The following GSK3B variants were observed in gnomAD, a reference collection of about 807,000 sequenced individuals.
The protein encoded by GSK3B is glycogen synthase kinase 3 beta, also known as glycogen synthase kinase-3 beta.
In GSK3B, 15 loss-of-function variants were observed where a neutral mutation model predicts 56.4. The observed-to-expected ratio is 0.27, with a 90% CI of 0.18 to 0.41. The LOEUF is 0.41. GSK3B is among the 10% of genes least tolerant of loss of function. GSK3B has a pLI of 1.00. For missense variants in GSK3B, 300 were observed against 513.4 expected, an observed-to-expected ratio of 0.58 and a Z score of 4.02; for synonymous variants, 181 against 188.9, an observed-to-expected ratio of 0.96 and a Z score of 0.34.
At chr3:119,862,667 G>GTTTTTTT (rs79778347) in intron 9 of GSK3B, among the ~76,000 whole-genome samples, 12 of 110,388 alleles carry the variant, frequency 1.1e-4, no homozygotes, top group Non-Finnish European at 1.7e-4. Context: ...ACTATTTCTT[G>GTTTTTTT]TTTTTTTTTT....
At chr3:119,908,768 C>G (rs988708309) in intron 6 of GSK3B, among the ~76,000 whole-genome samples, 1 of 152,120 alleles carries the variant, frequency 6.6e-6, no homozygotes, top group Non-Finnish European at 1.5e-5. Context: ...TTCTAGATGT[C>G]CCAGAGGGCA....
chr3:119,860,964 C>T (rs1417347991), intron 9 of GSK3B, among the ~76,000 whole-genome samples: 2 of 152,178 alleles, frequency 1.3e-5, no homozygotes, highest in African/African-American at 4.8e-5. Context: ...TCACCCTTCA[C>T]CAGACCCACA....
intron 1 of GSK3B, among the ~76,000 whole-genome samples, chr3:120,030,664 C>T (rs927719771): frequency 3.3e-5 from 5 of 152,206 alleles, no homozygotes; most frequent in African/African-American, 7.2e-5. Flanking sequence ...CTAATCCCTT[C>T]CTTTTTATCC....
intron 9 of GSK3B, among the ~76,000 whole-genome samples, chr3:119,853,437 GTTCT>G (rs2055968239): frequency 6.6e-6 from 1 of 152,186 alleles, no homozygotes; most frequent in South Asian, 2.1e-4. Flanking sequence ...CTTTAAAGTA[GTTCT>G]TTCCATTTCT....
chr3:119,920,063 G>A (rs953063756), intron 4 of GSK3B, among the ~76,000 whole-genome samples: 3 of 152,106 alleles, frequency 2.0e-5, no homozygotes, highest in African/African-American at 7.2e-5. Flanking sequence ...AGGGAACAGA[G>A]ATAAAAGCTG....
intron 9 of GSK3B, among the ~76,000 whole-genome samples, chr3:119,859,481 C>G (rs1001143912): frequency 6.6e-6 from 1 of 152,066 alleles, no homozygotes; most frequent in African/African-American, 2.4e-5. Flanking sequence ...AAATAAGTAG[C>G]CTACTGCTTT....
intron 1 of GSK3B, among the ~76,000 whole-genome samples, chr3:120,026,512 TACACACACACACACACAC>T (rs61580328): frequency 1.5e-5 from 2 of 130,444 alleles, no homozygotes; most frequent in East Asian, 2.2e-4. Context: ...TACCGCCAAA[TACACACACACACACACAC>T]ACACACACAC....
intron 3 of GSK3B, among the ~76,000 whole-genome samples, chr3:119,933,104 G>A (rs187876697): frequency 6.6e-6 from 1 of 152,034 alleles, no homozygotes; most frequent in East Asian, 1.9e-4. Flanking sequence ...AACAAGAAAG[G>A]AAATATGGAA....
chr3:119,861,594 C>T (rs2056103976), intron 9 of GSK3B, among the ~76,000 whole-genome samples: 1 of 151,478 alleles, frequency 6.6e-6, no homozygotes, highest in South Asian at 2.1e-4. Context: ...CTTCCCTGGA[C>T]ATCTGTGTCT....
intron 1 of GSK3B, chr3:120,028,607 C>G (rs975270071): frequency 1.3e-5 from 4 of 302,684 alleles, no homozygotes; most frequent in Non-Finnish European, 2.6e-5. Context: ...ACTCCACTTT[C>G]TAGCCTTATG....
intron 1 of GSK3B, among the ~76,000 whole-genome samples, chr3:120,082,873 T>C (rs1165803832): frequency 6.6e-6 from 1 of 152,204 alleles, no homozygotes; most frequent in African/African-American, 2.4e-5. Flanking sequence ...CTTGTGTCTA[T>C]TTTTCAAAGT....
chr3:119,907,948 C>T (rs2056699384), intron 6 of GSK3B, among the ~76,000 whole-genome samples: 1 of 152,130 alleles, frequency 6.6e-6, no homozygotes. Context: ...TCTCATTCTG[C>T]CATTTGTCAG....
chr3:120,040,973 C>T (rs2058060687), intron 1 of GSK3B, among the ~76,000 whole-genome samples: 1 of 152,072 alleles, frequency 6.6e-6, no homozygotes, highest in African/African-American at 2.4e-5. Context: ...AAAGGGACTC[C>T]ATGCACCTAA....
At chr3:119,845,222 C>A (rs1399732196) in intron 9 of GSK3B, among the ~76,000 whole-genome samples, 6 of 152,174 alleles carry the variant, frequency 3.9e-5, no homozygotes, top group Non-Finnish European at 7.3e-5. Flanking sequence ...ACGTTTCAGG[C>A]AAAAGCTGGA....
At chr3:120,036,685 C>T (rs1046223722) in intron 1 of GSK3B, among the ~76,000 whole-genome samples, 15 of 148,808 alleles carry the variant, frequency 1.0e-4, no homozygotes, top group African/African-American at 3.5e-4. Flanking sequence ...CCCAGCTCAT[C>T]AGGAGGCTGA....
chr3:120,073,658 C>T (rs1023239713), intron 1 of GSK3B, among the ~76,000 whole-genome samples: 4 of 152,140 alleles, frequency 2.6e-5, no homozygotes, highest in African/African-American at 7.2e-5. Context: ...CTTCCAATTT[C>T]GGGCAATTAT....
At chr3:120,040,868 T>C (rs2058060040) in intron 1 of GSK3B, among the ~76,000 whole-genome samples, 1 of 151,524 alleles carries the variant, frequency 6.6e-6, no homozygotes, top group South Asian at 2.1e-4. Context: ...TTCATATCCT[T>C]CCCCTACTCA....
intron 1 of GSK3B, among the ~76,000 whole-genome samples, chr3:120,090,602 C>A (rs2058503526): frequency 6.6e-6 from 1 of 152,142 alleles, no homozygotes; most frequent in Admixed American, 6.5e-5. Flanking sequence ...TCTGCCAGTT[C>A]TTCATTCACA....
chr3:119,928,618 A>T (rs957872411), intron 3 of GSK3B, among the ~76,000 whole-genome samples: 6 of 146,332 alleles, frequency 4.1e-5, no homozygotes, highest in Non-Finnish European at 8.9e-5. Flanking sequence ...AAAATAAAAA[A>T]AAAAAAAAAA....
Sources: gnomAD v4.1 joint callset for allele counts (sites outside exome capture counted in the v4.1 genomes callset) on GRCh38, gnomAD v4.1.1 for gene constraint, MANE v1.5 for transcripts, NCBI Gene and HGNC (gene_info 2026-07-23, HGNC 2026-07-21) for gene names.